The following TENM2 variants were observed in gnomAD, a reference collection of about 807,000 sequenced individuals.
The protein encoded by TENM2 is teneurin transmembrane protein 2, also known as teneurin-2.
Under a neutral mutation model 245.2 loss-of-function variants are expected in TENM2, and 52 were observed. The ratio of observed to expected loss-of-function variants is 0.21; its 90% CI spans 0.17 to 0.27. The LOEUF (loss-of-function observed/expected upper bound fraction) is 0.27. Ranked by LOEUF, TENM2 falls within the 10% of genes least tolerant of loss-of-function variation. TENM2 has a pLI of 1.00. For synonymous variants in TENM2, 1,363 were observed against 1,438.9 expected (o/e 0.95, Z 1.19); for missense variants, 3,046 against 3,666.8 (o/e 0.83, Z 4.37).
chr5:167,373,581 C>G lies in TENM2; in HGVS notation c.227-1617C>G, dbSNP rs188178168. Reference sequence around the variant, plus strand: ...AGTAGAGTGGACCACATGATTCTATCTGTTTTGCATGGAAATCTTAAAACA... The same window carrying G: ...AGTAGAGTGGACCACATGATTCTATGTGTTTTGCATGGAAATCTTAAAACA... On this transcript the variant is annotated intron_variant, in intron 1 of 28. Coordinates refer to ENST00000518659, the Ensembl canonical transcript of TENM2. 3.4e-3 allele frequency among the ~76,000 whole-genome samples: 517 copies of G among 152,312 alleles called. 5 individuals are homozygous for G. Among genetic ancestry groups the G allele is most frequent in the South Asian group, 0.024 (114 of 4,828 alleles).
At chr5:167,554,862 GCTCCTC>G (rs561609926) in intron 2 of TENM2, among the ~76,000 whole-genome samples, 3 of 151,380 alleles carry the variant, frequency 2.0e-5, no homozygotes, top group Non-Finnish European at 2.9e-5. Flanking sequence ...CTCTCTCTCT[GCTCCTC>G]CTCCTCCTCC....
intron 2 of TENM2, among the ~76,000 whole-genome samples, chr5:167,456,424 C>T (rs1427246119): frequency 6.9e-6 from 1 of 144,106 alleles, no homozygotes; most frequent in African/African-American, 2.4e-5. Flanking sequence ...TAATTCTTTT[C>T]CAAGCAAAAA....
chr5:168,158,852 C>CAT (rs1260839921), intron 12 of TENM2, among the ~76,000 whole-genome samples: 6 of 65,758 alleles, frequency 9.1e-5, no homozygotes, highest in Non-Finnish European at 1.6e-4. Context: ...TATATATATA[C>CAT]ACACACACAC....
At chr5:167,845,458 T>C (rs13354770) in intron 2 of TENM2, among the ~76,000 whole-genome samples, 7,534 of 152,256 alleles carry the variant, frequency 0.049, 614 homozygotes, top group African/African-American at 0.17. Context: ...ATGCATCACT[T>C]TCCTACTGTC....
chr5:167,400,793 T>C (rs1297847939), intron 2 of TENM2, among the ~76,000 whole-genome samples: 2 of 152,080 alleles, frequency 1.3e-5, no homozygotes, highest in Non-Finnish European at 2.9e-5. Context: ...AAGGGACTAT[T>C]AAGTAGAGCA....
At chr5:167,673,836 C>G (rs114911049) in intron 2 of TENM2, among the ~76,000 whole-genome samples, 1 of 151,942 alleles carries the variant, frequency 6.6e-6, no homozygotes, top group Non-Finnish European at 1.5e-5. Flanking sequence ...CCTGCAGGCA[C>G]TTGACAACTA....
At chr5:167,551,425 A>G (rs1272474119) in intron 2 of TENM2, among the ~76,000 whole-genome samples, 2 of 152,218 alleles carry the variant, frequency 1.3e-5, no homozygotes, top group Non-Finnish European at 2.9e-5. Context: ...TCATCTATCT[A>G]TCTATCCATT....
At chr5:167,862,903 TG>T (rs1438726812) in intron 2 of TENM2, among the ~76,000 whole-genome samples, 1 of 152,212 alleles carries the variant, frequency 6.6e-6, no homozygotes, top group Non-Finnish European at 1.5e-5. Flanking sequence ...GAGAGCTCGC[TG>T]CAGACTGTCT....
At chr5:167,446,223 A>G (rs1765197322) in intron 2 of TENM2, among the ~76,000 whole-genome samples, 1 of 152,198 alleles carries the variant, frequency 6.6e-6, no homozygotes, top group Non-Finnish European at 1.5e-5. Flanking sequence ...CTGGACTCTG[A>G]AAGGCGAGTG....
intron 3 of TENM2, among the ~76,000 whole-genome samples, chr5:167,898,030 C>T (rs1048445476): frequency 7.2e-5 from 11 of 151,906 alleles, no homozygotes; most frequent in African/African-American, 2.7e-4. Context: ...CATGACTTCC[C>T]CCTACCTCCT....
chr5:167,736,457 T>C (rs1238743271), intron 2 of TENM2, among the ~76,000 whole-genome samples: 6 of 152,100 alleles, frequency 3.9e-5, no homozygotes, highest in African/African-American at 1.4e-4. Context: ...TAGTTAGTGA[T>C]TTTATAGGGG....
At chr5:166,991,565 C>T in the TENM2 span, among the ~76,000 whole-genome samples, 1 of 152,040 alleles carries the variant, frequency 6.6e-6, no homozygotes, top group Admixed American at 6.6e-5. Flanking sequence ...TCTTTTAGCA[C>T]AAACTTATTC....
At chr5:167,604,974 G>T (rs1776923521) in intron 2 of TENM2, among the ~76,000 whole-genome samples, 1 of 152,194 alleles carries the variant, frequency 6.6e-6, no homozygotes, top group African/African-American at 2.4e-5. Context: ...AAGATGATAT[G>T]CTAGGCAAAC....
At chr5:167,872,360 A>AGAAG (rs1345392245) in intron 2 of TENM2, among the ~76,000 whole-genome samples, 1 of 144,482 alleles carries the variant, frequency 6.9e-6, no homozygotes, top group Non-Finnish European at 1.5e-5. Context: ...GAAAGGAAAG[A>AGAAG]GAAGGAAGGA....
rs928697997 is a variant in TENM2 at position 167,475,482 on chromosome 5, T to G, written c.502+100009T>G. On this transcript the variant is annotated intron_variant, in intron 2 of 28. Transcript: ENST00000518659. Reference sequence around the variant, plus strand: ...TTTATTTAAAAAGCATATAATTTTTTTTTGTTTGTTTTTACTTTAAGTTCT... The same window carrying G: ...TTTATTTAAAAAGCATATAATTTTTGTTTGTTTGTTTTTACTTTAAGTTCT... Among the ~76,000 whole-genome samples the G allele has an allele frequency of 4.6e-5, 7 of 152,286 alleles. No individual in the cohort carries two copies. The East Asian group carries it at 5.8e-4, about 13-fold the overall frequency.
At chr5:167,773,695 T>C (rs1763548832) in intron 2 of TENM2, among the ~76,000 whole-genome samples, 1 of 152,096 alleles carries the variant, frequency 6.6e-6, no homozygotes, top group Admixed American at 6.6e-5. Flanking sequence ...GCAAGGAGTA[T>C]TAGACAAGAT....
At chr5:167,217,506 A>G in the TENM2 span, among the ~76,000 whole-genome samples, 1 of 151,958 alleles carries the variant, frequency 6.6e-6, no homozygotes, top group Middle Eastern at 3.2e-3. Flanking sequence ...CAATGAAGAA[A>G]GGCGTTGTGA....
chr5:167,972,278 G>A (rs1167937728), intron 4 of TENM2, among the ~76,000 whole-genome samples: 3 of 152,150 alleles, frequency 2.0e-5, no homozygotes, highest in African/African-American at 7.2e-5. Context: ...GTGGATGTCT[G>A]AGCATGTATA....
the TENM2 span, among the ~76,000 whole-genome samples, chr5:167,213,767 T>C: frequency 1.3e-5 from 2 of 152,194 alleles, no homozygotes; most frequent in Non-Finnish European, 2.9e-5. Flanking sequence ...AAAACAAATA[T>C]GTGCTACTAA....
Sources: allele counts gnomAD v4.1 joint callset (sites outside exome capture counted in the v4.1 genomes callset), GRCh38; gene constraint gnomAD v4.1.1; transcripts MANE v1.5; gene names NCBI Gene and HGNC (gene_info 2026-07-23, HGNC 2026-07-21).